DMD: variants seen among roughly 807,000 people sequenced by gnomAD.
DMD encodes the protein mutant dystrophin.
In DMD, 63 loss-of-function variants were observed where a neutral mutation model predicts 330.1. The ratio of observed to expected loss-of-function variants is 0.19; its 90% CI spans 0.16 to 0.24. The LOEUF (loss-of-function observed/expected upper bound fraction) is 0.24. Among genes scored for constraint, DMD ranks in the 10% least tolerant of loss-of-function variants. The probability of loss-of-function intolerance (pLI) is 1.00; values close to 1 mark genes in which losing one functional copy is unlikely to be tolerated. For synonymous variants in DMD, 1,223 were observed against 959.8 expected, an observed-to-expected ratio of 1.27 and a Z score of -5.07; for missense variants, 3,344 against 2,684.1, an observed-to-expected ratio of 1.25 and a Z score of -5.43.
intron 7 of DMD, among the ~76,000 whole-genome samples, chrX:32,771,842 T>C (rs1230293863): frequency 8.9e-6 from 1 of 111,837 alleles, no homozygotes; most frequent in Non-Finnish European, 1.9e-5. Flanking sequence ...GTTTATACAT[T>C]ATTCTTCTCA....
At chrX:31,655,501 A>T (rs7062771) in intron 54 of DMD, among the ~76,000 whole-genome samples, 37,669 of 110,149 alleles carry the variant, frequency 0.34, 4,905 homozygotes, top group East Asian at 0.45. Flanking sequence ...GAGAAGAACA[A>T]GAATTTTGGG....
At chrX:32,196,793 G>A (rs907415637) in intron 44 of DMD, among the ~76,000 whole-genome samples, 6 of 109,391 alleles carry the variant, frequency 5.5e-5, no homozygotes, top group Non-Finnish European at 1.1e-4. Flanking sequence ...AGACCATCCT[G>A]GCTAACACGG....
At chrX:31,561,544 T>C (rs1252777501) in intron 55 of DMD, among the ~76,000 whole-genome samples, 1 of 112,026 alleles carries the variant, frequency 8.9e-6, no homozygotes, top group African/African-American at 3.2e-5. Context: ...AGTTTACCAT[T>C]AGTATATAAT....
chrX:31,391,423 T>A (rs918243582), intron 60 of DMD, among the ~76,000 whole-genome samples: 1 of 111,700 alleles, frequency 9.0e-6, no homozygotes, highest in Non-Finnish European at 1.9e-5. Context: ...TCACTATTTT[T>A]AATAATATAT....
At chrX:31,831,642 A>C (rs1398436426) in intron 49 of DMD, among the ~76,000 whole-genome samples, 2 of 111,633 alleles carry the variant, frequency 1.8e-5, no homozygotes, top group Non-Finnish European at 3.8e-5. Context: ...TCTGTCACCC[A>C]GGCTGGAGTG....
At chrX:32,118,792 G>A (rs1423953176) in intron 44 of DMD, among the ~76,000 whole-genome samples, 1 of 110,380 alleles carries the variant, frequency 9.1e-6, no homozygotes, top group Non-Finnish European at 1.9e-5. Flanking sequence ...GTTGTGGGGA[G>A]AGGTGCGTGG....
chrX:31,188,698 C>T (rs2042040324), intron 67 of DMD, among the ~76,000 whole-genome samples: 1 of 111,996 alleles, frequency 8.9e-6, no homozygotes, highest in Admixed American at 9.5e-5. Context: ...CAGCTCCTTC[C>T]ATTATGATGG....
intron 44 of DMD, among the ~76,000 whole-genome samples, chrX:32,173,805 C>T (rs141076451): frequency 2.2e-3 from 243 of 111,957 alleles, no homozygotes; most frequent in African/African-American, 7.2e-3. Flanking sequence ...AAAGACATCT[C>T]ATTTTCCTGT....
intron 37 of DMD, among the ~76,000 whole-genome samples, 156 bp from the exon 38 acceptor site, chrX:32,348,684 A>G (rs1245578123): frequency 8.9e-6 from 1 of 111,794 alleles, no homozygotes; most frequent in Admixed American, 9.6e-5. Flanking sequence ...ATACAACTGG[A>G]AAAGTACCTG....
intron 50 of DMD, among the ~76,000 whole-genome samples, chrX:31,799,096 T>C (rs2091951745): frequency 8.9e-6 from 1 of 112,033 alleles, no homozygotes; most frequent in Non-Finnish European, 1.9e-5. Context: ...GTACTGAGTC[T>C]TGCTCGTAAT....
At position 33,161,393 on chromosome X, in the gene DMD, A is replaced by G. The variant is rs1382318366; in HGVS notation, c.31+49889T>C. ...TCAAATGCTGGTAGAGAATAAAACC[A>G]TTTTTTATGTATGAGTGCCTATTTC... On this transcript the variant is annotated intron_variant, in intron 1 of 78. Transcript: ENST00000357033. Among the ~76,000 whole-genome samples the G allele has an allele frequency of 6.3e-5, 7 of 111,668 alleles. 1 individual carries two copies. In the South Asian group the frequency reaches 2.2e-3, roughly 36 times the overall value.
rs773482412 is a variant in DMD, at chrX:33,018,551, C to T, written c.93+1588G>A. On this transcript the variant is annotated intron_variant, in intron 2 of 78. Coordinates refer to ENST00000357033, the MANE Select transcript of DMD (RefSeq NM_004006.3). ...TAATGCACAGAGCGAAGATCTATTT[C>T]AACTTGCGGGAATGAGGATACACAG... Among the ~76,000 whole-genome samples, 6 of 111,563 alleles carry T rather than the reference C, an allele frequency of 5.4e-5. No homozygotes were observed. In the South Asian group the frequency reaches 2.2e-3, roughly 41 times the overall value.
rs747862290 is a variant in DMD, at chrX:31,121,810, G to A, written c.*109C>T. ...TGTATGAATATTATAAAAACCATGC[G>A]GGAATCAGGAGTTGTAAAACATTTA... On this transcript the variant is annotated 3_prime_UTR_variant, in exon 79 of 79. Coordinates refer to ENST00000357033, the MANE Select transcript of DMD (RefSeq NM_004006.3). 49 of 1,018,722 alleles carry A rather than the reference G, an allele frequency of 4.8e-5. No individual in the cohort carries two copies. The Middle Eastern group carries it at 7.6e-4, about 16-fold the overall frequency. The allele number at this position is 1,018,722 out of a possible 1,213,427, so 84.0% of individuals were successfully genotyped here.
intron 20 of DMD, among the ~76,000 whole-genome samples, chrX:32,486,135 C>G (rs1261016752): frequency 9.1e-6 from 1 of 110,487 alleles, no homozygotes; most frequent in Non-Finnish European, 1.9e-5. Flanking sequence ...TCAGTAGTAC[C>G]CTGGTTTGTA....
chrX:31,908,379 G>A (rs1370201473), intron 47 of DMD, among the ~76,000 whole-genome samples: 7 of 111,432 alleles, frequency 6.3e-5, no homozygotes, highest in East Asian at 2.8e-4. Context: ...GGAATACTAC[G>A]CAACCATAAA....
intron 62 of DMD, among the ~76,000 whole-genome samples, chrX:31,277,680 A>G (rs892657538): frequency 5.4e-5 from 6 of 111,616 alleles, no homozygotes; most frequent in African/African-American, 2.0e-4. Context: ...GGGCCAAGGC[A>G]AAGTGGTCTA....
At chrX:32,316,811 A>G (rs750122773) in intron 41 of DMD, among the ~76,000 whole-genome samples, 3 of 111,184 alleles carry the variant, frequency 2.7e-5, no homozygotes, top group Non-Finnish European at 5.7e-5. Flanking sequence ...CTAGTTTGCT[A>G]TCTATTCCTT....
At chrX:32,566,104 G>A (rs1195043982) in intron 15 of DMD, among the ~76,000 whole-genome samples, 1 of 112,139 alleles carries the variant, frequency 8.9e-6, no homozygotes, top group Non-Finnish European at 1.9e-5. Context: ...AAACTCAAAC[G>A]TAGAATAAAG....
intron 2 of DMD, among the ~76,000 whole-genome samples, chrX:32,887,765 AAAAAAAAAAAAC>A (rs1569539271): frequency 9.9e-6 from 1 of 101,312 alleles, no homozygotes; most frequent in Non-Finnish European, 2.0e-5. Context: ...AAAAAAAAAA[AAAAAAAAAAAAC>A]ATCAACTAAA....
Sources: gnomAD v4.1 joint callset for allele counts (sites outside exome capture counted in the v4.1 genomes callset) on GRCh38, gnomAD v4.1.1 for gene constraint, MANE v1.5 for transcripts, NCBI Gene and HGNC (gene_info 2026-07-23, HGNC 2026-07-21) for gene names.